SAMD7: variants seen among roughly 807,000 people sequenced by gnomAD.
SAMD7 encodes sterile alpha motif domain containing 7.
A neutral mutation model predicts 36.7 loss-of-function variants in SAMD7; 34 were observed. The ratio of observed to expected loss-of-function variants is 0.93; its 90% confidence interval spans 0.71 to 1.23. The LOEUF (loss-of-function observed/expected upper bound fraction) is 1.23, where lower values mean the gene tolerates loss of function less well. Ranked by LOEUF, SAMD7 falls within the 50% of genes most tolerant of loss-of-function variation. The pLI is 0.00. For synonymous variants in SAMD7, 188 were observed against 189.7 expected, an observed-to-expected ratio of 0.99 and a Z score of 0.07; for missense variants, 570 against 546.6, an observed-to-expected ratio of 1.04 and a Z score of -0.43.
intron 7 of SAMD7, among the ~76,000 whole-genome samples, chr3:169,933,609 G>A (rs946760008): frequency 2.6e-5 from 4 of 152,166 alleles, no homozygotes; most frequent in East Asian, 1.9e-4. Context: ...TCTCCACACC[G>A]GTGCATATTG....
At chr3:169,935,640 C>T (rs539890936) in intron 7 of SAMD7, among the ~76,000 whole-genome samples, 23 of 152,266 alleles carry the variant, frequency 1.5e-4, no homozygotes, top group African/African-American at 4.6e-4. Flanking sequence ...GAAAGCTCAA[C>T]TGTGAATATA....
rs746820161 is a variant in SAMD7 at position 169,919,472 on chromosome 3, C to T, written c.-27C>T. The T allele has an allele frequency of 7.0e-6, 11 of 1,580,416 alleles. No homozygotes were observed. Among genetic ancestry groups the T allele is most frequent in the South Asian group, 2.2e-5 (2 of 90,370 alleles). On this transcript the variant is annotated 5_prime_UTR_variant, in exon 3 of 9. Transcript: ENST00000335556. ...GTTCTTTTTAGAACTCCATTAGTGG[C>T]GAGAGATATTGAAGACAAACCCGGT...
chr3:169,938,589 T>A lies in SAMD7; in HGVS notation c.*83T>A. The A allele has an allele frequency of 1.2e-6, 1 of 855,784 alleles. No individual in the cohort carries two copies. The highest frequency in any genetic ancestry group is 1.8e-6 in the Non-Finnish European group (1 of 562,652). The allele number at this position is 855,784 out of a possible 1,614,324, so 53.0% of individuals were successfully genotyped here. On this transcript the variant is annotated 3_prime_UTR_variant, in exon 9 of 9. Coordinates refer to ENST00000335556, the MANE Select transcript of SAMD7 (RefSeq NM_001304366.2). Reference sequence around the variant, plus strand: ...CAAAGGATGTGTGAGGATTTCCCAGTACTGGATGGAGAATGAGAAGAGAAA... The same window carrying A: ...CAAAGGATGTGTGAGGATTTCCCAGAACTGGATGGAGAATGAGAAGAGAAA...
At chr3:169,928,310 T>C (rs1423152663) in intron 6 of SAMD7, 147 bp from the exon 7 acceptor site, 8 of 591,904 alleles carry the variant, frequency 1.4e-5, no homozygotes, top group Non-Finnish European at 2.4e-5. Context: ...AGCTGAAGCT[T>C]TTAGAAAACA....
chr3:169,927,109 T>G lies in SAMD7; in HGVS notation c.847T>G (p.Ser283Ala). The change falls in exon 6 of 9, where the codon TCG becomes GCG. Residue 283 changes from serine to alanine, a missense_variant. By Grantham distance (99) the Ser-to-Ala change is moderately conservative. Transcript: ENST00000335556. ...KAWDDGKEEA[S>A]EQIFATCDEK... ...CTGGGACGATGGGAAAGAGGAGGCTTCGGAGCAGATTTTTGCAACCTGTGA... is the reference window on the plus strand; with the variant it reads ...CTGGGACGATGGGAAAGAGGAGGCTGCGGAGCAGATTTTTGCAACCTGTGA... The G allele has an allele frequency of 6.3e-7, 1 of 1,585,554 alleles. No homozygotes were observed. The highest frequency in any genetic ancestry group is 8.5e-7 in the Non-Finnish European group (1 of 1,171,394).
intron 2 of SAMD7, among the ~76,000 whole-genome samples, chr3:169,917,203 G>A (rs1242775551): frequency 2.0e-5 from 3 of 152,192 alleles, no homozygotes; most frequent in African/African-American, 7.2e-5. Context: ...AGCTAACAAA[G>A]TGATTGTATA....
At chr3:169,912,977 A>C (rs1198306202) in intron 1 of SAMD7, among the ~76,000 whole-genome samples, 3 of 152,218 alleles carry the variant, frequency 2.0e-5, no homozygotes, top group African/African-American at 7.2e-5. Context: ...TCTGCAAAAC[A>C]TAAGTAGGAG....
intron 7 of SAMD7, chr3:169,932,155 A>G (rs1576837278): frequency 1.7e-6 from 1 of 589,666 alleles, no homozygotes; most frequent in Admixed American, 2.6e-5. Flanking sequence ...TGGCTTGTGG[A>G]TGGAGCTGTC....
chr3:169,917,617 A>ATTTGTTTG (rs1220664724), intron 2 of SAMD7, among the ~76,000 whole-genome samples: 6 of 127,968 alleles, frequency 4.7e-5, no homozygotes, highest in African/African-American at 1.5e-4. Flanking sequence ...TTTTATTTTT[A>ATTTGTTTG]TTTGTTTGTT....
intron 7 of SAMD7, chr3:169,932,200 G>A: frequency 1.3e-6 from 1 of 756,514 alleles, no homozygotes; most frequent in African/African-American, 1.8e-5. Flanking sequence ...GTCTTCCTAG[G>A]AGACTGCAGC....
chr3:169,922,236 A>T (rs988767347), intron 4 of SAMD7, among the ~76,000 whole-genome samples: 1 of 152,204 alleles, frequency 6.6e-6, no homozygotes, highest in African/African-American at 2.4e-5. Flanking sequence ...TTTTGGAAGT[A>T]ATCAGCATAT....
intron 7 of SAMD7, chr3:169,932,331 G>A: frequency 1.4e-6 from 1 of 702,250 alleles, no homozygotes; most frequent in South Asian, 1.4e-5. Context: ...GGACACAGCT[G>A]AAAGCCTTAC....
chr3:169,915,241 A>G (rs1211035393), intron 1 of SAMD7, 126 bp from the exon 2 acceptor site: 6 of 152,152 alleles, frequency 3.9e-5, no homozygotes, highest in Admixed American at 2.6e-4. Context: ...CACAGTGAAA[A>G]CCCACACATT....
At position 169,932,378 on chromosome 3, in the gene SAMD7, C is replaced by A. The variant is rs1386791477; in HGVS notation, c.1041+3800C>A. On this transcript the variant is annotated intron_variant, in intron 7 of 8. Coordinates refer to ENST00000335556, the MANE Select transcript of SAMD7 (RefSeq NM_001304366.2). ...AGGGAACAGAAAGTTGTTTTCGAAC[C>A]TAAGTAGTATAGCCGAGACTATGTA... 2 of 652,778 alleles carry A rather than the reference C, an allele frequency of 3.1e-6. 1 individual carries two copies. Among genetic ancestry groups the A allele is most frequent in the African/African-American group, 3.6e-5 (2 of 55,174 alleles). 40.4% of individuals were successfully genotyped at this position (652,778 alleles called of 1,614,324 possible).
chr3:169,925,858 T>C (rs1713236732), intron 5 of SAMD7, among the ~76,000 whole-genome samples: 1 of 152,252 alleles, frequency 6.6e-6, no homozygotes, highest in Admixed American at 6.5e-5. Flanking sequence ...CTGTCTTAAA[T>C]GACTTCAATT....
At chr3:169,936,286 C>A in intron 7 of SAMD7, 53 bp from the exon 8 acceptor site, 1 of 1,200,576 alleles carries the variant, frequency 8.3e-7, no homozygotes, top group Non-Finnish European at 1.2e-6. Flanking sequence ...GGTAAAAGAA[C>A]TTTTTCAAAA....
chr3:169,915,725 C>T (rs1712769625), intron 2 of SAMD7, among the ~76,000 whole-genome samples: 1 of 151,432 alleles, frequency 6.6e-6, no homozygotes, highest in South Asian at 2.1e-4. Context: ...GCTGGGACTA[C>T]AGGCGCCACA....
rs756896888 is a variant in SAMD7, at chr3:169,921,314, G to A, written c.187G>A (p.Val63Met). The A allele has an allele frequency of 6.8e-6, 11 of 1,614,146 alleles. No individual in the cohort carries two copies. Among genetic ancestry groups the A allele is most frequent in the Middle Eastern group, 1.6e-4 (1 of 6,062 alleles). ...TCTACCAAACACAAATATGGCAAAT[G>A]TGTTGTCCAGTCGGATCTACCCAGG... is the stretch of plus-strand genomic sequence containing the variant. ...SVLPNTNMAN[V>M]LSSRIYPGWG... is the part of the protein sequence containing the mutation. Residue 63 changes from valine (V) to methionine (M), a missense_variant, in exon 4 of 9, where the codon GTG (valine) becomes ATG (methionine). Physicochemically the swap from Val to Met is conservative, Grantham distance 21. Transcript: ENST00000335556.
chr3:169,915,471 C>T lies in SAMD7; in HGVS notation c.-42+30C>T, dbSNP rs753037715. The T allele has an allele frequency of 2.0e-5, 3 of 151,706 alleles. 1 individual carries two copies. The highest frequency in any genetic ancestry group is 3.9e-4 in the East Asian group (2 of 5,174). 9.4% of individuals were successfully genotyped at this position (151,706 alleles called of 1,614,324 possible). On this transcript the variant is annotated intron_variant, in intron 2 of 8. Transcript: ENST00000335556. Reference sequence around the variant, plus strand: ...CATGTAAGAGGAAGAGGTGGTGAGTCTCTAAGCAATTCTTGCTCCTCTCTT... The same window carrying T: ...CATGTAAGAGGAAGAGGTGGTGAGTTTCTAAGCAATTCTTGCTCCTCTCTT...
Sources: gnomAD v4.1 joint callset for allele counts (sites outside exome capture counted in the v4.1 genomes callset) on GRCh38, gnomAD v4.1.1 for gene constraint, MANE v1.5 for transcripts, NCBI Gene and HGNC (gene_info 2026-07-23, HGNC 2026-07-21) for gene names.